NAGLU: variants seen among roughly 807,000 people sequenced by gnomAD.
The protein encoded by NAGLU is alpha-N-acetylglucosaminidase.
In NAGLU, 34 loss-of-function variants were observed where a neutral mutation model predicts 43.4. That is an observed-to-expected ratio of 0.78 (90% CI 0.60 to 1.04). The LOEUF is 1.04. Ranked by LOEUF, NAGLU falls within the 50% of genes least tolerant of loss-of-function variation. NAGLU has a pLI of 0.00. For missense variants in NAGLU, 910 were observed against 993.7 expected, an observed-to-expected ratio of 0.92 and a Z score of 1.13; for synonymous variants, 425 against 437.6, an observed-to-expected ratio of 0.97 and a Z score of 0.36.
Position 42,543,648 on chromosome 17 carries a change from C to T in NAGLU, c.1642C>T (p.Pro548Ser). The T allele has an allele frequency of 6.2e-7, 1 of 1,613,026 alleles. No homozygotes were observed. ...EAWRLLLTSA[P>S]SLATSPAFRY... ...CTGGCGGCTGCTGCTCACATCTGCT[C>T]CCTCCCTGGCCACCAGCCCCGCCTT... The change falls in exon 6 of 6, where the codon CCC becomes TCC. Residue 548 changes from proline (P) to serine (S), a missense_variant. Transcript: ENST00000225927.
chr17:42,543,355 A>G lies in NAGLU; in HGVS notation c.1349A>G (p.Gln450Arg). Residue 450 changes from glutamine (Q) to arginine (R), a missense_variant, in exon 6 of 6, where the codon CAG becomes CGG. Transcript: ENST00000225927. ...GGCATGGCCCCCGAGGGCATCAGCC[A>G]GAACGAAGTGGTCTATTCCCTCATG... ...GTGMAPEGIS[Q>R]NEVVYSLMAE... 2 of 1,612,968 alleles carry G rather than the reference A, an allele frequency of 1.2e-6. No homozygotes were observed. The highest frequency in any genetic ancestry group is 1.7e-6 in the Non-Finnish European group (2 of 1,179,826).
At chr17:42,538,517 C>G in intron 3 of NAGLU, 32 bp downstream of exon 3, 1 of 1,613,624 alleles carries the variant, frequency 6.2e-7, no homozygotes, top group South Asian at 1.1e-5. Context: ...GGGGCAGAAT[C>G]GGTGATAGAT....
rs965226394 is a variant in NAGLU at position 42,536,653 on chromosome 17, C to T, written c.381C>T (p.Asn127=). 2 of 1,499,988 alleles carry T rather than the reference C, an allele frequency of 1.3e-6. No individual in the cohort carries two copies. Among genetic ancestry groups the T allele is most frequent in the Non-Finnish European group, 1.8e-6 (2 of 1,131,446 alleles). 92.9% of individuals were successfully genotyped at this position (1,499,988 alleles called of 1,614,324 possible). Residue 127 remains asparagine (N), a splice_region_variant and synonymous_variant, in exon 1 of 6, where the codon AAC becomes AAT. Coordinates refer to ENST00000225927, the MANE Select transcript of NAGLU (RefSeq NM_000263.4). ...VPGELTEATP[N]RYRYYQNVCT... is the part of the protein sequence containing the mutation. ...GGGAGCTGACCGAGGCCACGCCCAA[C>T]AGGTACCGCCCCGAAGCTTCCCCGC...
rs750625891 is a variant in NAGLU at position 42,541,033 on chromosome 17, C to T, written c.848C>T (p.Pro283Leu). 5.6e-6 allele frequency: 9 copies of T among 1,614,084 alleles called. No individual in the cohort carries two copies. The highest frequency in any genetic ancestry group is 4.5e-5 in the East Asian group (2 of 44,896). ...CSYSCSFLLA[P>L]EDPIFPIIGS... The stretch of plus-strand genomic sequence containing the variant: ...TACTCCTGCTCCTTCCTTCTGGCTC[C>T]GGAAGACCCCATATTCCCCATCATC... The change falls in exon 5 of 6, where the codon CCG becomes CTG. Residue 283 changes from proline (P) to leucine (L), a missense_variant. Pro to Leu is a moderately conservative substitution (Grantham distance 98). Transcript: ENST00000225927.
At position 42,544,312 on chromosome 17, in the gene NAGLU, T is replaced by C; in HGVS notation, c.*74T>C. The C allele has an allele frequency of 1.9e-6, 3 of 1,594,742 alleles. No individual in the cohort carries two copies. Among genetic ancestry groups the C allele is most frequent in the Non-Finnish European group, 2.5e-6 (3 of 1,177,082 alleles). On this transcript the variant is annotated 3_prime_UTR_variant, in exon 6 of 6. Coordinates refer to ENST00000225927, the MANE Select transcript of NAGLU (RefSeq NM_000263.4). ...TCCAGGGCCCAGAGCTGGACAGACA[T>C]CACAGGATAACCCAGGCCTGGGAGG... is the stretch of plus-strand genomic sequence containing the variant.
chr17:42,536,625 CG>C lies in NAGLU; in HGVS notation c.358del (p.Glu120SerfsTer2). On this transcript the variant is annotated frameshift_variant, in exon 1 of 6. Transcript: ENST00000225927. LOFTEE classifies it high-confidence loss of function. ...CTGCCGCGGCCACTGCCAGCCGTGCCGGGGGAGCTGACCGAGGCCACGCCCA... is the reference window on the plus strand; with the variant it reads ...CTGCCGCGGCCACTGCCAGCCGTGCCGGGGAGCTGACCGAGGCCACGCCCA... ...LRLPRPLPAV[P>X]GELTEATPNR... The C allele has an allele frequency of 4.0e-6, 6 of 1,498,878 alleles. No homozygotes were observed. Among genetic ancestry groups the C allele is most frequent in the South Asian group, 3.7e-5 (3 of 80,280 alleles). 92.8% of individuals were successfully genotyped at this position (1,498,878 alleles called of 1,614,324 possible). A position where few individuals can be genotyped will look rare whatever the true frequency, so the allele number is the denominator to read the frequency against.
At chr17:42,541,235 C>T in intron 5 of NAGLU, 29 bp downstream of exon 5, 1 of 1,609,272 alleles carries the variant, frequency 6.2e-7, no homozygotes, top group East Asian at 2.2e-5. Flanking sequence ...GTGGGAGAGC[C>T]CCCCAGACCC....
At chr17:42,537,104 G>T (rs563458337) in intron 1 of NAGLU, 3 of 474,880 alleles carry the variant, frequency 6.3e-6, no homozygotes, top group African/African-American at 3.9e-5. Flanking sequence ...GGGATTCCCC[G>T]TTCCAGGAAA....
intron 5 of NAGLU, among the ~76,000 whole-genome samples, chr17:42,541,567 A>T (rs2092921936): frequency 1.3e-5 from 2 of 152,236 alleles, no homozygotes; most frequent in African/African-American, 4.8e-5. Context: ...GCTATGAACA[A>T]GGATTTTGTT....
At position 42,544,082 on chromosome 17, in the gene NAGLU, C is replaced by T. The variant is rs2092930476; in HGVS notation, c.2076C>T (p.Phe692=). ...ACAGTGTGGCCCAGGGCATCCCTTT[C>T]CAACAGCACCAGTTTGACAAAAATG... ...LVDSVAQGIP[F]QQHQFDKNVF... Residue 692 remains phenylalanine (F), a synonymous_variant, in exon 6 of 6, where the codon TTC becomes TTT. Coordinates refer to ENST00000225927, the MANE Select transcript of NAGLU (RefSeq NM_000263.4). 2.5e-6 allele frequency: 4 copies of T among 1,614,040 alleles called. No homozygotes were observed. The South Asian group carries it at 4.4e-5, about 18-fold the overall frequency.
rs748295614 is a variant in NAGLU at position 42,538,471 on chromosome 17, C to G, written c.664C>G (p.Gln222Glu). ...GPLPPSWHIK[Q>E]LYLQHRVLDQ... ...CCTGCCCCCCTCCTGGCACATCAAG[C>G]AGCTTTACCTGCAGGTAAAAGGATG... The change falls in exon 3 of 6, where the codon CAG becomes GAG. Residue 222 changes from glutamine (Q) to glutamate (E), a missense_variant. Physicochemically the swap from Gln to Glu is conservative, Grantham distance 29. Transcript: ENST00000225927. 6.2e-7 allele frequency: 1 copy of G among 1,614,076 alleles called. No individual in the cohort carries two copies. The highest frequency in any genetic ancestry group is 1.1e-5 in the South Asian group (1 of 91,092).
rs376593763 is a variant in NAGLU at position 42,543,458 on chromosome 17, G to A, written c.1452G>A (p.Gly484=). 83 of 1,599,528 alleles carry A rather than the reference G, an allele frequency of 5.2e-5. 1 individual carries two copies. The South Asian group carries it at 5.8e-4, about 11-fold the overall frequency. Residue 484 remains glycine, a synonymous_variant, in exon 6 of 6, where the codon GGG becomes GGA. Transcript: ENST00000225927. The stretch of plus-strand genomic sequence containing the variant: ...CCAGCTTTGCCGCCCGGCGGTATGG[G>A]GTCTCCCACCCGGACGCAGGGGCAG... ...WVTSFAARRY[G]VSHPDAGAAW...
In NAGLU at chr17:42,537,420, TGCAC is replaced by T. The variant is rs1460796923; in HGVS notation, c.410_413del (p.Thr137LysfsTer17). The T allele has an allele frequency of 1.5e-5, 24 of 1,614,090 alleles. No individual in the cohort carries two copies. The highest frequency in any genetic ancestry group is 2.0e-5 in the Non-Finnish European group (24 of 1,180,024). ...CAGGTACCGCTATTACCAGAATGTG[TGCAC>T]GCAAAGCTACTCTTTCGTGTGGTGG... On this transcript the variant is annotated frameshift_variant, in exon 2 of 6. Coordinates refer to ENST00000225927, the MANE Select transcript of NAGLU (RefSeq NM_000263.4). LOFTEE classifies it high-confidence loss of function.
intron 2 of NAGLU, among the ~76,000 whole-genome samples, chr17:42,537,774 G>T (rs1362028209): frequency 6.6e-6 from 1 of 151,374 alleles, no homozygotes; most frequent in Non-Finnish European, 1.5e-5. Context: ...TCAGGAGATC[G>T]AGACCATCCT....
rs1187121246 is a variant in NAGLU at position 42,543,528 on chromosome 17, G to T, written c.1522G>T (p.Ala508Ser). Residue 508 changes from alanine to serine, a missense_variant, in exon 6 of 6, where the codon GCC (alanine) becomes TCC (serine). Ala to Ser is a moderately conservative substitution (Grantham distance 99). Transcript: ENST00000225927. The part of the protein sequence containing the change: ...LRSVYNCSGE[A>S]CRGHNRSPLV... ...GAGTGTGTACAACTGCTCCGGGGAG[G>T]CCTGCAGGGGCCACAATCGTAGCCC... is the stretch of plus-strand genomic sequence containing the variant. The T allele has an allele frequency of 6.2e-7, 1 of 1,607,574 alleles. No homozygotes were observed. Among genetic ancestry groups the T allele is most frequent in the Admixed American group, 1.7e-5 (1 of 59,526 alleles).
In NAGLU at chr17:42,543,671, C is replaced by G. The variant is rs1217927919; in HGVS notation, c.1665C>G (p.Ala555=). Reference sequence around the variant, plus strand: ...CTCCCTCCCTGGCCACCAGCCCCGCCTTCCGCTACGACCTGCTGGACCTCA... The same window carrying G: ...CTCCCTCCCTGGCCACCAGCCCCGCGTTCCGCTACGACCTGCTGGACCTCA... ...TSAPSLATSP[A]FRYDLLDLTR... is the part of the protein sequence containing the mutation. Residue 555 remains alanine (A), a synonymous_variant, in exon 6 of 6, where the codon GCC becomes GCG. Coordinates refer to ENST00000225927, the MANE Select transcript of NAGLU (RefSeq NM_000263.4). 2 of 1,613,118 alleles carry G rather than the reference C, an allele frequency of 1.2e-6. No individual in the cohort carries two copies. Among genetic ancestry groups the G allele is most frequent in the African/African-American group, 1.3e-5 (1 of 74,956 alleles).
intron 1 of NAGLU, 151 bp downstream of exon 1, chr17:42,536,806 C>A: frequency 7.6e-7 from 1 of 1,316,458 alleles, no homozygotes; most frequent in South Asian, 1.9e-5. Flanking sequence ...GCCAGCCACT[C>A]TGCCTTTCAG....
chr17:42,542,655 G>A (rs2092924341), intron 5 of NAGLU, among the ~76,000 whole-genome samples: 1 of 152,212 alleles, frequency 6.6e-6, no homozygotes, highest in African/African-American at 2.4e-5. Context: ...CATTACGCTA[G>A]GCTAATTTTT....
Position 42,538,723 on chromosome 17 carries a change from A to C in NAGLU, c.732A>C (p.Ala244=), listed in dbSNP as rs200729468. The C allele has an allele frequency of 1.4e-5, 22 of 1,614,048 alleles. No homozygotes were observed. The Middle Eastern group carries it at 4.9e-4, about 36-fold the overall frequency. Residue 244 remains alanine, a synonymous_variant, in exon 4 of 6, where the codon GCA becomes GCC. Transcript: ENST00000225927. ...RSFGMTPVLP[A]FAGHVPEAVT... ...TCGGCATGACCCCAGTGCTGCCTGC[A>C]TTCGCGGGGCATGTTCCCGAGGCTG... is the stretch of plus-strand genomic sequence containing the variant.
Sources: gnomAD v4.1 joint callset for allele counts (sites outside exome capture counted in the v4.1 genomes callset) on GRCh38, gnomAD v4.1.1 for gene constraint, MANE v1.5 for transcripts, NCBI Gene and HGNC (gene_info 2026-07-23, HGNC 2026-07-21) for gene names.